The following LRRC4C variants were observed in gnomAD, a reference collection of about 807,000 sequenced individuals.
LRRC4C encodes the protein leucine rich repeat containing 4C.
LRRC4C carries 5 observed loss-of-function variants against 33.6 expected under a neutral mutation model. The observed-to-expected ratio is 0.15, with a 90% confidence interval of 0.08 to 0.31. The LOEUF (loss-of-function observed/expected upper bound fraction) is 0.31, where lower values mean the gene tolerates loss of function less well. Among genes scored for constraint, LRRC4C ranks in the 10% least tolerant of loss-of-function variants. The pLI, the probability that LRRC4C is intolerant of heterozygous loss-of-function variation, is 1.00. For missense variants in LRRC4C, 560 were observed against 796.7 expected (o/e 0.70, Z 3.58); for synonymous variants, 329 against 302.0 (o/e 1.09, Z -0.93).
chr11:40,327,190 C>A (rs1291874025), intron 3 of LRRC4C, among the ~76,000 whole-genome samples: 1 of 152,162 alleles, frequency 6.6e-6, no homozygotes, highest in East Asian at 1.9e-4. Context: ...ATGTAAGCCT[C>A]CTGTTGACTT....
chr11:41,416,576 C>A (rs1052739764), intron 1 of LRRC4C, among the ~76,000 whole-genome samples: 1 of 151,968 alleles, frequency 6.6e-6, no homozygotes, highest in African/African-American at 2.4e-5. Context: ...GTTACGGACA[C>A]TTTACTATGT....
chr11:41,013,062 C>G (rs1855325770), intron 1 of LRRC4C, among the ~76,000 whole-genome samples: 1 of 152,130 alleles, frequency 6.6e-6, no homozygotes, highest in Non-Finnish European at 1.5e-5. Flanking sequence ...ATACATAATT[C>G]ACAGGATTGT....
rs542282990 is a variant in LRRC4C, at chr11:40,120,454, T to A, written c.-42-4120A>T. ...AATCATGACCATCGAAAATTTATCATTTGAGTGATTTAGTGTAGTTTTACA... is the reference window on the plus strand; with the variant it reads ...AATCATGACCATCGAAAATTTATCAATTGAGTGATTTAGTGTAGTTTTACA... On this transcript the variant is annotated intron_variant, in intron 6 of 6. Coordinates refer to ENST00000528697, the MANE Select transcript of LRRC4C (RefSeq NM_001258419.2). Among the ~76,000 whole-genome samples, 3 of 152,264 alleles carry A rather than the reference T, an allele frequency of 2.0e-5. No individual in the cohort carries two copies. The South Asian group carries it at 6.2e-4, about 32-fold the overall frequency.
At chr11:41,433,756 C>T (rs989255918) in intron 1 of LRRC4C, among the ~76,000 whole-genome samples, 2 of 151,738 alleles carry the variant, frequency 1.3e-5, no homozygotes, top group East Asian at 1.9e-4. Flanking sequence ...ATTGTGGGAC[C>T]TTGTGATCCT....
chr11:40,367,154 A>G (rs1380672423), intron 3 of LRRC4C, among the ~76,000 whole-genome samples: 1 of 152,058 alleles, frequency 6.6e-6, no homozygotes, highest in African/African-American at 2.4e-5. Flanking sequence ...TTGCATTTCC[A>G]GTGCTTAGCA....
chr11:40,876,737 T>A (rs555791177), intron 2 of LRRC4C, among the ~76,000 whole-genome samples: 1 of 151,812 alleles, frequency 6.6e-6, no homozygotes, highest in Non-Finnish European at 1.5e-5. Context: ...ACCCCATCTC[T>A]ACTAAAAATA....
At chr11:40,890,890 G>A (rs557604965) in intron 2 of LRRC4C, among the ~76,000 whole-genome samples, 1 of 152,146 alleles carries the variant, frequency 6.6e-6, no homozygotes, top group East Asian at 1.9e-4. Flanking sequence ...AAAAGCTAAG[G>A]GGAAGAAAGG....
intron 1 of LRRC4C, among the ~76,000 whole-genome samples, chr11:41,187,366 G>A (rs562323763): frequency 2.6e-5 from 4 of 152,300 alleles, no homozygotes; most frequent in South Asian, 4.1e-4. Context: ...ACTGGAAGTC[G>A]AGAAAAATGC....
chr11:40,259,732 C>T (rs1352359502), intron 4 of LRRC4C, among the ~76,000 whole-genome samples: 8 of 152,046 alleles, frequency 5.3e-5, no homozygotes, highest in Middle Eastern at 3.4e-3. Flanking sequence ...AGATATGCGG[C>T]GTTATTTCTG....
At chr11:41,378,187 G>A (rs1166940302) in intron 1 of LRRC4C, among the ~76,000 whole-genome samples, 1 of 152,088 alleles carries the variant, frequency 6.6e-6, no homozygotes, top group African/African-American at 2.4e-5. Context: ...AGGGCAAGGG[G>A]CAAAAGGCCA....
intron 2 of LRRC4C, among the ~76,000 whole-genome samples, chr11:40,695,668 T>C (rs1469445751): frequency 1.3e-5 from 2 of 152,094 alleles, no homozygotes; most frequent in Non-Finnish European, 2.9e-5. Context: ...TTTCCTTGCC[T>C]CTTCTAGCAC....
At chr11:40,327,318 C>A (rs369099655) in intron 3 of LRRC4C, among the ~76,000 whole-genome samples, 1 of 35,342 alleles carries the variant, frequency 2.8e-5, no homozygotes. Context: ...CATAGAGAGG[C>A]CATTTTTTTC....
intron 6 of LRRC4C, among the ~76,000 whole-genome samples, chr11:40,137,451 A>T (rs1238315507): frequency 6.6e-6 from 1 of 152,156 alleles, no homozygotes; most frequent in Non-Finnish European, 1.5e-5. Flanking sequence ...ATTGAGAATT[A>T]CATTTCCACA....
chr11:41,419,194 G>A (rs369417889), intron 1 of LRRC4C, among the ~76,000 whole-genome samples: 8 of 151,902 alleles, frequency 5.3e-5, no homozygotes, highest in South Asian at 4.2e-4. Flanking sequence ...AAGAGGTTGC[G>A]CCTCAAAATG....
chr11:40,297,978 C>T lies in LRRC4C; in HGVS notation c.-176+21650G>A, dbSNP rs549328269. On this transcript the variant is annotated intron_variant, in intron 4 of 6. Transcript: ENST00000528697. ...CTCATGTCTATGTCCCCCCCAACCT[C>T]CAAACCATAATTGATTTCACAAGAG... 2.6e-5 allele frequency among the ~76,000 whole-genome samples: 4 copies of T among 152,270 alleles called. No individual in the cohort carries two copies. In the South Asian group the frequency reaches 8.3e-4, roughly 32 times the overall value.
At chr11:40,637,776 A>G (rs1941840627) in intron 3 of LRRC4C, among the ~76,000 whole-genome samples, 1 of 152,186 alleles carries the variant, frequency 6.6e-6, no homozygotes, top group African/African-American at 2.4e-5. Context: ...GATTAGAGCA[A>G]TAGTCTGCTA....
intron 4 of LRRC4C, among the ~76,000 whole-genome samples, chr11:40,254,638 T>C (rs964890906): frequency 6.6e-6 from 1 of 152,254 alleles, no homozygotes; most frequent in African/African-American, 2.4e-5. Flanking sequence ...GATATACGCA[T>C]ATGAATATTT....
chr11:40,431,956 C>T (rs777438655), intron 3 of LRRC4C, among the ~76,000 whole-genome samples: 4 of 152,116 alleles, frequency 2.6e-5, no homozygotes, highest in Non-Finnish European at 4.4e-5. Context: ...ATGGTCAGGA[C>T]CCAAGGAAAA....
At chr11:40,386,594 A>C (rs1051257995) in intron 3 of LRRC4C, among the ~76,000 whole-genome samples, 1 of 152,128 alleles carries the variant, frequency 6.6e-6, no homozygotes, top group Non-Finnish European at 1.5e-5. Flanking sequence ...GGATATTTGA[A>C]CTAGAAATTA....
Sources: gnomAD v4.1 joint callset for allele counts (sites outside exome capture counted in the v4.1 genomes callset) on GRCh38, gnomAD v4.1.1 for gene constraint, MANE v1.5 for transcripts, NCBI Gene and HGNC (gene_info 2026-07-23, HGNC 2026-07-21) for gene names.